The following BIRC6 variants were observed in gnomAD, a reference collection of about 807,000 sequenced individuals.
BIRC6 encodes baculoviral IAP repeat containing 6, also known as dual E2 ubiquitin-conjugating enzyme/E3 ubiquitin-protein ligase BIRC6.
A neutral mutation model predicts 503.3 loss-of-function variants in BIRC6; 98 were observed. The observed-to-expected ratio is 0.19, with a 90% CI of 0.17 to 0.23. The LOEUF is 0.23. BIRC6 is among the 10% of genes least tolerant of loss of function. BIRC6 has a pLI of 1.00. For missense variants in BIRC6, 5,360 were observed against 5,806.0 expected, an observed-to-expected ratio of 0.92 and a Z score of 2.50; for synonymous variants, 2,240 against 2,078.7, an observed-to-expected ratio of 1.08 and a Z score of -2.11.
chr2:32,569,139 A>G (rs1167158844), intron 65 of BIRC6, among the ~76,000 whole-genome samples: 2 of 151,812 alleles, frequency 1.3e-5, no homozygotes, highest in Non-Finnish European at 2.9e-5. Context: ...ACAGACACCC[A>G]CAACGAGGCC....
intron 6 of BIRC6, among the ~76,000 whole-genome samples, chr2:32,396,441 G>C (rs1558613764): frequency 6.6e-6 from 1 of 152,106 alleles, no homozygotes; most frequent in African/African-American, 2.4e-5. Context: ...GATGTGCATG[G>C]GGCAAACTTG....
chr2:32,512,030 G>T (rs914179994), intron 53 of BIRC6, among the ~76,000 whole-genome samples: 1 of 152,078 alleles, frequency 6.6e-6, no homozygotes, highest in African/African-American at 2.4e-5. Flanking sequence ...TTAATAAGAA[G>T]AAAATTAAGC....
rs751694197 is a variant in BIRC6, at chr2:32,597,838, A to C, written c.13700A>C (p.Asn4567Thr). 2.5e-6 allele frequency: 4 copies of C among 1,613,838 alleles called. No homozygotes were observed. The South Asian group carries it at 4.4e-5, about 18-fold the overall frequency. Reference sequence around the variant, plus strand: ...TACATGTCTCAGGTGAAAAATGCTAATGATGCGAACAGTGCTGCCAGAGCT... The same window carrying C: ...TACATGTCTCAGGTGAAAAATGCTACTGATGCGAACAGTGCTGCCAGAGCT... ...YHYMSQVKNA[N>T]DANSAARARR... Residue 4567 changes from asparagine to threonine, a missense_variant, in exon 69 of 74, where the codon AAT (asparagine) becomes ACT (threonine). Physicochemically the swap from Asn to Thr is moderately conservative, Grantham distance 65. Around this residue, in one of 16 missense-constraint regions of BIRC6, gnomAD observed 477 missense variants for 574.4 expected, o/e 0.83. Coordinates refer to ENST00000421745, the MANE Select transcript of BIRC6 (RefSeq NM_016252.4).
intron 10 of BIRC6, among the ~76,000 whole-genome samples, chr2:32,428,030 T>A (rs1158517364): frequency 2.6e-5 from 4 of 152,242 alleles, no homozygotes; most frequent in African/African-American, 9.6e-5. Flanking sequence ...CTTATTTTGT[T>A]TCTTTTGGGG....
In BIRC6 at chr2:32,493,581, T is replaced by G; in HGVS notation, c.8382T>G (p.Thr2794=). The G allele has an allele frequency of 6.2e-7, 1 of 1,610,980 alleles. No homozygotes were observed. The highest frequency in any genetic ancestry group is 8.5e-7 in the Non-Finnish European group (1 of 1,177,886). Residue 2794 remains threonine, a synonymous_variant, in exon 45 of 74, where the codon ACT becomes ACG. Transcript: ENST00000421745. ...CACAAGCTATGCAAGAATTTCTTAC[T>G]CGATTACAAGTGCATCTTTCTTCAA... is the stretch of plus-strand genomic sequence containing the variant. ...TATQAMQEFL[T]RLQVHLSSTC... is the part of the protein sequence containing the mutation.
intron 43 of BIRC6, 118 bp from the exon 44 acceptor site, chr2:32,491,307 A>G (rs188750616): frequency 3.9e-6 from 4 of 1,032,226 alleles, no homozygotes; most frequent in Non-Finnish European, 5.4e-6. Context: ...CCCCTTTAAT[A>G]AACTGTAATT....
At chr2:32,538,902 C>T (rs1369386980) in intron 61 of BIRC6, among the ~76,000 whole-genome samples, 2 of 152,114 alleles carry the variant, frequency 1.3e-5, no homozygotes, top group African/African-American at 4.8e-5. Flanking sequence ...AGTGAGACTC[C>T]ATCTCTATGA....
rs768312121 is a variant in BIRC6, at chr2:32,545,852, C to A, written c.12802C>A (p.Gln4268Lys). The A allele has an allele frequency of 5.6e-6, 9 of 1,611,522 alleles. No homozygotes were observed. The highest frequency in any genetic ancestry group is 5.9e-6 in the Non-Finnish European group (7 of 1,177,922). Residue 4268 changes from glutamine (Q) to lysine (K), a missense_variant, in exon 63 of 74, where the codon CAA (glutamine) becomes AAA (lysine). Gln to Lys is a moderately conservative substitution (Grantham distance 53, BLOSUM62 1). Transcript: ENST00000421745. ...SPRVPNSSVN[Q>K]TEPQVSSSHN... Reference sequence around the variant, plus strand: ...ACGAGTTCCAAACTCTAGCGTGAATCAAACTGAGGTAGGTTCACTTTTAAT... The same window carrying A: ...ACGAGTTCCAAACTCTAGCGTGAATAAAACTGAGGTAGGTTCACTTTTAAT...
At chr2:32,459,530 TTC>T (rs1399602493) in intron 23 of BIRC6, among the ~76,000 whole-genome samples, 2 of 152,214 alleles carry the variant, frequency 1.3e-5, no homozygotes, top group Non-Finnish European at 2.9e-5. Context: ...TCTTTTGTAT[TTC>T]TGTTTGAATT....
chr2:32,536,805 A>T lies in BIRC6; in HGVS notation c.12291+5254A>T, dbSNP rs560568118. Among the ~76,000 whole-genome samples the T allele has an allele frequency of 7.9e-5, 12 of 152,178 alleles. No individual in the cohort carries two copies. In the East Asian group the frequency reaches 1.9e-3, roughly 24 times the overall value. On this transcript the variant is annotated intron_variant, in intron 61 of 73. Transcript: ENST00000421745. ...GCAATGCGGGCTCTTTTTTGGTTCC[A>T]TATGAGCTTGATGGGGATGACATTG...
intron 53 of BIRC6, among the ~76,000 whole-genome samples, chr2:32,511,744 A>G (rs1052725123): frequency 6.6e-6 from 1 of 151,700 alleles, no homozygotes; most frequent in African/African-American, 2.4e-5. Context: ...TTTCTTCCTG[A>G]TTTATGTTAC....
intron 67 of BIRC6, chr2:32,594,345 T>G (rs770862937): frequency 7.6e-6 from 2 of 264,888 alleles, no homozygotes; most frequent in Non-Finnish European, 1.4e-5. Context: ...AAAAAATGCC[T>G]TTATATTAGA....
chr2:32,601,591 A>T (rs2062063052), intron 70 of BIRC6, among the ~76,000 whole-genome samples: 2 of 152,206 alleles, frequency 1.3e-5, no homozygotes. Context: ...AAAAAAAAAA[A>T]GAACCACCTA....
intron 66 of BIRC6, among the ~76,000 whole-genome samples, chr2:32,593,552 A>G (rs905943315): frequency 1.3e-5 from 2 of 152,180 alleles, no homozygotes; most frequent in Non-Finnish European, 2.9e-5. Context: ...AAATACAAAT[A>G]GTATTAAAAT....
rs2045164245 is a variant in BIRC6, at chr2:32,439,540, A to T, written c.3664A>T (p.Ile1222Phe). Residue 1222 changes from isoleucine (I) to phenylalanine (F), a missense_variant, in exon 16 of 74, where the codon ATC (isoleucine) becomes TTC (phenylalanine). Ile to Phe is a conservative substitution (Grantham distance 21, BLOSUM62 0). Around this residue, in one of 16 missense-constraint regions of BIRC6, gnomAD observed 2,299 missense variants for 2,267.2 expected, o/e 1.01. Transcript: ENST00000421745. ...MAGGKYRSFL[I>F]HVKAVNERGT... ...AGGAGGAAAATATCGTTCGTTTTTAATCCATGTCAAGGCAGTGAATGAAAG... is the reference window on the plus strand; with the variant it reads ...AGGAGGAAAATATCGTTCGTTTTTATTCCATGTCAAGGCAGTGAATGAAAG... The T allele has an allele frequency of 6.2e-7, 1 of 1,613,682 alleles. No homozygotes were observed. Among genetic ancestry groups the T allele is most frequent in the Admixed American group, 1.7e-5 (1 of 59,982 alleles).
intron 68 of BIRC6, among the ~76,000 whole-genome samples, chr2:32,596,172 T>C (rs1048687880): frequency 1.1e-4 from 16 of 152,108 alleles, no homozygotes; most frequent in Non-Finnish European, 1.5e-4. Flanking sequence ...AAATTACCCC[T>C]GTAACTTATT....
chr2:32,441,830 AAAAAC>A (rs1238897934), intron 17 of BIRC6, among the ~76,000 whole-genome samples: 6 of 152,234 alleles, frequency 3.9e-5, no homozygotes, highest in Admixed American at 2.6e-4. Context: ...TCTGGAGAAA[AAAAAC>A]AAAACAAAAA....
intron 10 of BIRC6, among the ~76,000 whole-genome samples, chr2:32,420,654 C>T (rs1228386598): frequency 1.3e-5 from 2 of 152,042 alleles, no homozygotes; most frequent in Non-Finnish European, 2.9e-5. Flanking sequence ...GCTGGGACTA[C>T]AGGTACACCA....
At chr2:32,582,743 A>C (rs1159580893) in intron 66 of BIRC6, among the ~76,000 whole-genome samples, 1 of 152,168 alleles carries the variant, frequency 6.6e-6, no homozygotes, top group Non-Finnish European at 1.5e-5. Context: ...GGGATAGAGC[A>C]AGACTCTGTC....
Sources: allele counts gnomAD v4.1 joint callset (sites outside exome capture counted in the v4.1 genomes callset), GRCh38; gene constraint gnomAD v4.1.1; regional missense constraint gnomAD v4.1.1; transcripts MANE v1.5; gene names NCBI Gene and HGNC (gene_info 2026-07-23, HGNC 2026-07-21).